KLHL1: variants seen among roughly 807,000 people sequenced by gnomAD.
The protein encoded by KLHL1 is kelch like family member 1.
Under a neutral mutation model 77.7 loss-of-function variants are expected in KLHL1, and 47 were observed. The observed-to-expected ratio is 0.60, with a 90% confidence interval of 0.48 to 0.77. KLHL1 has a LOEUF of 0.77. KLHL1 is among the 30% of genes least tolerant of loss of function. The pLI is 0.00. For synonymous variants in KLHL1, 360 were observed against 325.2 expected, an observed-to-expected ratio of 1.11 and a Z score of -1.15; for missense variants, 925 against 910.8, an observed-to-expected ratio of 1.02 and a Z score of -0.20.
chr13:70,027,329 A>G (rs1020753150), intron 1 of KLHL1, among the ~76,000 whole-genome samples: 1 of 152,126 alleles, frequency 6.6e-6, no homozygotes, highest in African/African-American at 2.4e-5. Flanking sequence ...AATAAAATGT[A>G]TCACTAAAGA....
intron 6 of KLHL1, among the ~76,000 whole-genome samples, chr13:69,816,231 T>C (rs953974116): frequency 6.6e-6 from 1 of 151,792 alleles, no homozygotes; most frequent in African/African-American, 2.4e-5. Context: ...GCAATTAATA[T>C]ATAGTAAATT....
intron 1 of KLHL1, among the ~76,000 whole-genome samples, chr13:70,039,547 A>C (rs899195970): frequency 6.6e-6 from 1 of 152,110 alleles, no homozygotes; most frequent in African/African-American, 2.4e-5. Context: ...TTCAAACGGC[A>C]AAAGATTTAT....
chr13:69,746,189 T>C (rs193169017), intron 7 of KLHL1, among the ~76,000 whole-genome samples: 1 of 151,714 alleles, frequency 6.6e-6, no homozygotes, highest in East Asian at 1.9e-4. Context: ...TTATAAATAA[T>C]TGTCATAATA....
intron 1 of KLHL1, among the ~76,000 whole-genome samples, chr13:70,018,051 C>CAAAAA (rs3072681): frequency 6.6e-6 from 1 of 151,282 alleles, no homozygotes; most frequent in Non-Finnish European, 1.5e-5. Context: ...AGAACTAGCG[C>CAAAAA]AAAAAAAAGT....
At chr13:69,907,153 A>G (rs1199128669) in intron 4 of KLHL1, among the ~76,000 whole-genome samples, 2 of 152,042 alleles carry the variant, frequency 1.3e-5, no homozygotes, top group Non-Finnish European at 2.9e-5. Flanking sequence ...ACATAGGTTC[A>G]TTGGTGGCTT....
chr13:69,933,903 G>A (rs1265141300), intron 4 of KLHL1, among the ~76,000 whole-genome samples: 2 of 151,642 alleles, frequency 1.3e-5, no homozygotes, highest in Non-Finnish European at 1.5e-5. Context: ...TTTGTGTCTC[G>A]GTATCAGGAA....
At chr13:69,757,898 A>G (rs980656495) in intron 7 of KLHL1, among the ~76,000 whole-genome samples, 2 of 144,300 alleles carry the variant, frequency 1.4e-5, no homozygotes, top group Admixed American at 1.4e-4. Context: ...CAGAGGTTGC[A>G]GTCAGCCAAG....
At chr13:69,756,423 C>CA (rs1566217253) in intron 7 of KLHL1, among the ~76,000 whole-genome samples, 2 of 152,160 alleles carry the variant, frequency 1.3e-5, no homozygotes, top group East Asian at 1.9e-4. Flanking sequence ...TCATCATTAA[C>CA]AAAAAACTTT....
intron 1 of KLHL1, 58 bp from the exon 2 acceptor site, chr13:69,975,860 C>T: frequency 1.4e-6 from 2 of 1,461,912 alleles, no homozygotes; most frequent in Non-Finnish European, 1.8e-6. Context: ...TTATAAAGAG[C>T]CAATTATCTA....
intron 4 of KLHL1, among the ~76,000 whole-genome samples, chr13:69,895,343 C>A (rs7990121): frequency 0.92 from 140,191 of 152,034 alleles, 65,099 homozygotes; most frequent in South Asian, 0.98. Context: ...TATCATGACC[C>A]CCACTCTGAC....
chr13:69,857,280 T>C (rs1482655667), intron 5 of KLHL1, among the ~76,000 whole-genome samples: 1 of 152,074 alleles, frequency 6.6e-6, no homozygotes, highest in Non-Finnish European at 1.5e-5. Context: ...ACACAACATA[T>C]GTCACCTCCT....
intron 2 of KLHL1, among the ~76,000 whole-genome samples, chr13:69,970,327 T>C (rs941644575): frequency 1.4e-4 from 21 of 152,306 alleles, no homozygotes; most frequent in African/African-American, 4.8e-4. Flanking sequence ...TTGTTTCTAA[T>C]TGGTGCACTT....
At chr13:69,983,469 G>A (rs576601650) in intron 1 of KLHL1, among the ~76,000 whole-genome samples, 7 of 151,662 alleles carry the variant, frequency 4.6e-5, no homozygotes, top group Non-Finnish European at 1.0e-4. Flanking sequence ...TGCTCGGTGC[G>A]GTGGTTCCCA....
At chr13:70,046,735 A>G (rs1886507256) in intron 1 of KLHL1, among the ~76,000 whole-genome samples, 1 of 151,940 alleles carries the variant, frequency 6.6e-6, no homozygotes, top group African/African-American at 2.4e-5. Context: ...GCTGGTCTCA[A>G]ACTCCTGGCC....
chr13:69,723,034 A>T (rs1337195122), intron 8 of KLHL1, among the ~76,000 whole-genome samples: 3 of 152,118 alleles, frequency 2.0e-5, no homozygotes, highest in Non-Finnish European at 4.4e-5. Context: ...AACATGGATG[A>T]GCCTGAAGGA....
intron 1 of KLHL1, among the ~76,000 whole-genome samples, chr13:69,994,450 C>T (rs1483065727): frequency 6.6e-6 from 1 of 152,102 alleles, no homozygotes; most frequent in African/African-American, 2.4e-5. Context: ...AGATACTTTG[C>T]AATATGATGC....
At chr13:69,858,889 A>C (rs1880026930) in intron 5 of KLHL1, among the ~76,000 whole-genome samples, 1 of 152,136 alleles carries the variant, frequency 6.6e-6, no homozygotes, top group South Asian at 2.1e-4. Flanking sequence ...AGTAGAATAC[A>C]AAGTAATAAT....
intron 1 of KLHL1, among the ~76,000 whole-genome samples, chr13:70,051,781 G>A (rs1356672874): frequency 6.6e-6 from 1 of 151,874 alleles, no homozygotes; most frequent in East Asian, 1.9e-4. Flanking sequence ...CTGACATTAT[G>A]GATTGTTTAC....
chr13:69,967,919 ACAC>A (rs1884265763), intron 2 of KLHL1, among the ~76,000 whole-genome samples: 1 of 152,006 alleles, frequency 6.6e-6, no homozygotes, highest in Admixed American at 6.6e-5. Flanking sequence ...AAAGAATATT[ACAC>A]AAACTTAATT....
Sources: gnomAD v4.1 joint callset for allele counts (sites outside exome capture counted in the v4.1 genomes callset) on GRCh38, gnomAD v4.1.1 for gene constraint, MANE v1.5 for transcripts, NCBI Gene and HGNC (gene_info 2026-07-23, HGNC 2026-07-21) for gene names.